BRSK2: variants seen among roughly 807,000 people sequenced by gnomAD.
BRSK2 encodes the protein BR serine/threonine kinase 2.
A neutral mutation model predicts 83.3 loss-of-function variants in BRSK2; 19 were observed. The ratio of observed to expected loss-of-function variants is 0.23; its 90% CI spans 0.16 to 0.33. The LOEUF (loss-of-function observed/expected upper bound fraction) is 0.33. Among genes scored for constraint, BRSK2 ranks in the 10% least tolerant of loss-of-function variants. BRSK2 has a pLI of 1.00. For synonymous variants in BRSK2, 519 were observed against 435.4 expected (o/e 1.19, Z -2.39); for missense variants, 798 against 1,042.3 (o/e 0.77, Z 3.23).
intron 9 of BRSK2, 136 bp from the exon 10 acceptor site, chr11:1,445,158 C>G: frequency 1.4e-6 from 2 of 1,460,768 alleles, no homozygotes; most frequent in Middle Eastern, 2.0e-4. Flanking sequence ...GCGGGCAGGA[C>G]GCAGGAGGCC....
rs1846166300 is a variant in BRSK2 at position 1,454,158 on chromosome 11, G to GGCGGGGCTCACCTGT, written c.1545-326_1545-325insCGGGGCTCACCTGTG. 5.6e-6 allele frequency: 1 copy of GGCGGGGCTCACCTGT among 177,914 alleles called. No homozygotes were observed. The highest frequency in any genetic ancestry group is 2.6e-5 in the African/African-American group (1 of 38,884). 11.0% of individuals were successfully genotyped at this position (177,914 alleles called of 1,614,324 possible). The stretch of plus-strand genomic sequence containing the variant: ...CCACCTCTCACAGCGGCCTTGGTGA[G>GGCGGGGCTCACCTGT]GGGGGGCTCACCTGTGGGGGGCTCA... On this transcript the variant is annotated intron_variant, in intron 15 of 19. Transcript: ENST00000528841. This position sits in a 1 kb window ranked among gnomAD's most constrained non-coding sequence, Gnocchi z 5.2.
chr11:1,447,322 C>T (rs549659901), intron 12 of BRSK2, among the ~76,000 whole-genome samples: 283 of 152,332 alleles, frequency 1.9e-3, no homozygotes, highest in African/African-American at 6.6e-3. Context: ...GCAGGGCAGG[C>T]CCCACCACCC....
rs1191075872 is a variant in BRSK2, at chr11:1,443,132, T to C, written c.557T>C (p.Val186Ala). The change falls in exon 6 of 20, where the codon GTG becomes GCG. Residue 186 changes from valine (V) to alanine (A), a missense_variant. This residue lies in a region of BRSK2 where 109 missense variants were observed against 259.2 expected (regional missense o/e 0.42). Transcript: ENST00000528841. ...TCCCCCCACTACGCCTGCCCCGAGG[T>C]GATCCGGGTGAGTCAGCGCCGCCGC... ...CGSPHYACPEVIRGEKYDGRK... is the reference protein window; with the variant it reads ...CGSPHYACPEAIRGEKYDGRK... 1 of 1,536,376 alleles carries C rather than the reference T, an allele frequency of 6.5e-7. No homozygotes were observed. Among genetic ancestry groups the C allele is most frequent in the Non-Finnish European group, 8.7e-7 (1 of 1,146,206 alleles).
At chr11:1,422,867 G>A (rs950940895) in intron 1 of BRSK2, among the ~76,000 whole-genome samples, 4 of 152,194 alleles carry the variant, frequency 2.6e-5, no homozygotes, top group African/African-American at 9.7e-5. Context: ...CCAGCTGGGG[G>A]CCGCTGCCCA....
intron 9 of BRSK2, 58 bp from the exon 10 acceptor site, chr11:1,445,236 C>A: frequency 6.5e-7 from 1 of 1,545,446 alleles, no homozygotes; most frequent in South Asian, 1.2e-5. Context: ...GTCCCACCCT[C>A]GCAGCCGCCC....
chr11:1,446,371 AGCTGGGCAGGGCTGG>A (rs1051002010), intron 12 of BRSK2, among the ~76,000 whole-genome samples: 1 of 121,434 alleles, frequency 8.2e-6, no homozygotes, highest in Non-Finnish European at 1.7e-5. Context: ...GGCTGGGCTG[AGCTGGGCAGGGCTGG>A]GCTGGGCTAA....
Position 1,438,806 on chromosome 11 carries a change from C to T in BRSK2, c.272+415C>T, listed in dbSNP as rs117878033. On this transcript the variant is annotated intron_variant, in intron 3 of 19. Transcript: ENST00000528841. The surrounding 1 kb of genome is among the most constrained non-coding windows in gnomAD (Gnocchi z 6.4). ...TCTCTATCCCTGAGGCTCCCTCACA[C>T]GAGGCACAGCCACCAGGATCCCGCC... Among the ~76,000 whole-genome samples the T allele has an allele frequency of 0.019, 2,940 of 152,284 alleles. 30 individuals carry two copies. The highest frequency in any genetic ancestry group is 0.044 in the Middle Eastern group (13 of 294).
intron 1 of BRSK2, among the ~76,000 whole-genome samples, chr11:1,422,801 T>C (rs952009993): frequency 2.6e-5 from 4 of 152,136 alleles, no homozygotes; most frequent in African/African-American, 9.7e-5. Context: ...CCCAGCGCCA[T>C]GTCCACTCCC....
At position 1,446,041 on chromosome 11, in the gene BRSK2, G is replaced by T. The variant is rs573559086; in HGVS notation, c.1226+134G>T. On this transcript the variant is annotated intron_variant, in intron 12 of 19. Transcript: ENST00000528841. ...GGGTGGGGCTGTATGGGCTAAACTGGGCTTAGCTGGGCTGGGCTGGGCTGG... is the reference window on the plus strand; with the variant it reads ...GGGTGGGGCTGTATGGGCTAAACTGTGCTTAGCTGGGCTGGGCTGGGCTGG... 850 of 934,530 alleles carry T rather than the reference G, an allele frequency of 9.1e-4. 1 individual carries two copies. In the African/African-American group the frequency reaches 0.015, roughly 16 times the overall value. 57.9% of individuals were successfully genotyped at this position (934,530 alleles called of 1,614,324 possible).
intron 1 of BRSK2, among the ~76,000 whole-genome samples, chr11:1,407,945 G>A (rs1847017475): frequency 6.6e-6 from 1 of 152,150 alleles, no homozygotes; most frequent in Non-Finnish European, 1.5e-5. Flanking sequence ...TGGGTCTCCT[G>A]CCCACCCTGG....
intron 15 of BRSK2, among the ~76,000 whole-genome samples, 192 bp downstream of exon 15, chr11:1,451,611 G>A (rs1845830984): frequency 6.6e-6 from 1 of 152,230 alleles, no homozygotes; most frequent in South Asian, 2.1e-4. Flanking sequence ...AGGCCAGCCA[G>A]GGGAGGAGCC....
At chr11:1,451,144 C>T (rs762211362) in intron 14 of BRSK2, among the ~76,000 whole-genome samples, 5 of 152,232 alleles carry the variant, frequency 3.3e-5, no homozygotes, top group Admixed American at 1.3e-4. Flanking sequence ...AAGGCACAGC[C>T]GACTTCAGCA....
At chr11:1,429,219 T>A (rs1301977040) in intron 1 of BRSK2, among the ~76,000 whole-genome samples, 1 of 149,676 alleles carries the variant, frequency 6.7e-6, no homozygotes, top group Non-Finnish European at 1.5e-5. Flanking sequence ...ACGCGGTGTG[T>A]GGGCGTGTGC....
intron 1 of BRSK2, among the ~76,000 whole-genome samples, chr11:1,424,633 C>T (rs1469671178): frequency 6.6e-6 from 1 of 152,228 alleles, no homozygotes; most frequent in Non-Finnish European, 1.5e-5. Context: ...CCCTGCCCTC[C>T]ATCTGCATCC....
chr11:1,440,983 G>A (rs575343881), intron 4 of BRSK2, 55 bp downstream of exon 4: 11 of 1,505,610 alleles, frequency 7.3e-6, no homozygotes, highest in South Asian at 5.8e-5. Context: ...CACCCAGTGC[G>A]CTACCACAGA....
At chr11:1,399,116 G>A (rs933421572) in intron 1 of BRSK2, among the ~76,000 whole-genome samples, 1 of 152,218 alleles carries the variant, frequency 6.6e-6, no homozygotes, top group African/African-American at 2.4e-5. Context: ...CCCCGCCCCA[G>A]GCCAGAGCCA....
intron 1 of BRSK2, among the ~76,000 whole-genome samples, chr11:1,434,327 C>G (rs1309292489): frequency 6.6e-6 from 1 of 151,624 alleles, no homozygotes; most frequent in Non-Finnish European, 1.5e-5. Context: ...GTGGGGTCCC[C>G]TGTGATAACC....
At chr11:1,412,767 C>T (rs1051813182) in intron 1 of BRSK2, among the ~76,000 whole-genome samples, 11 of 152,170 alleles carry the variant, frequency 7.2e-5, no homozygotes, top group South Asian at 2.1e-4. Flanking sequence ...GAGTGGGCAA[C>T]GGTGCCCTGG....
At chr11:1,453,639 C>T (rs560150096) in intron 15 of BRSK2, among the ~76,000 whole-genome samples, 7 of 152,240 alleles carry the variant, frequency 4.6e-5, no homozygotes, top group South Asian at 4.2e-4. Context: ...GCACAGTGGC[C>T]GAGGAGGCAG....
Sources: gnomAD v4.1 joint callset for allele counts (sites outside exome capture counted in the v4.1 genomes callset) on GRCh38, gnomAD v4.1.1 for gene constraint, gnomAD v4.1.1 regional missense constraint, Gnocchi (gnomAD v3.1) non-coding constraint, MANE v1.5 for transcripts, NCBI Gene and HGNC (gene_info 2026-07-23, HGNC 2026-07-21) for gene names.